SLC8A1: variants seen among roughly 807,000 people sequenced by gnomAD.
SLC8A1 encodes solute carrier family 8 member A1.
SLC8A1 carries 18 observed loss-of-function variants against 68.3 expected under a neutral mutation model. That is an observed-to-expected ratio of 0.26 (90% confidence interval 0.18 to 0.39). The LOEUF is 0.39. Among genes scored for constraint, SLC8A1 ranks in the 10% least tolerant of loss-of-function variants. SLC8A1 has a pLI of 1.00. For missense variants in SLC8A1, 985 were observed against 1,156.7 expected (o/e 0.85, Z 2.15); for synonymous variants, 475 against 415.5 (o/e 1.14, Z -1.74).
intron 1 of SLC8A1, among the ~76,000 whole-genome samples, chr2:40,492,225 G>C (rs1228151834): frequency 2.0e-5 from 3 of 151,948 alleles, no homozygotes; most frequent in African/African-American, 7.3e-5. Context: ...ACAAACCTGA[G>C]AAAAACAAGC....
At chr2:40,122,396 A>G (rs2037111257) in intron 7 of SLC8A1, among the ~76,000 whole-genome samples, 1 of 152,174 alleles carries the variant, frequency 6.6e-6, no homozygotes, top group African/African-American at 2.4e-5. Context: ...TCTGCCCATA[A>G]AAGTTGTCCC....
At chr2:40,400,157 G>A (rs555344264) in intron 2 of SLC8A1, among the ~76,000 whole-genome samples, 13 of 152,304 alleles carry the variant, frequency 8.5e-5, no homozygotes, top group Admixed American at 2.6e-4. Context: ...CTCACTCGGT[G>A]AGCTCGGCTC....
intron 2 of SLC8A1, among the ~76,000 whole-genome samples, chr2:40,361,430 T>C (rs1485022568): frequency 7.0e-6 from 1 of 141,878 alleles, no homozygotes; most frequent in Non-Finnish European, 1.5e-5. Context: ...TACTTTAAAA[T>C]TGTTATGCAC....
chr2:40,214,178 G>A (rs1258718831), intron 2 of SLC8A1, among the ~76,000 whole-genome samples: 1 of 152,140 alleles, frequency 6.6e-6, no homozygotes, highest in African/African-American at 2.4e-5. Context: ...AGCCTCACAT[G>A]TTCAAGACCA....
At chr2:40,260,431 T>G (rs1407582237) in intron 2 of SLC8A1, among the ~76,000 whole-genome samples, 1 of 152,184 alleles carries the variant, frequency 6.6e-6, no homozygotes, top group Non-Finnish European at 1.5e-5. Context: ...TTTTTTCCCA[T>G]AGGCTTCCAA....
At position 40,428,718 on chromosome 2, in the gene SLC8A1, G is replaced by A. The variant is rs199581012; in HGVS notation, c.1563C>T (p.Leu521=). The A allele has an allele frequency of 1.3e-4, 211 of 1,613,772 alleles. No individual in the cohort carries two copies. The East Asian group carries it at 3.0e-3, about 23-fold the overall frequency. Residue 521 remains leucine, a synonymous_variant, in exon 2 of 8, where the codon CTC becomes CTT. Coordinates refer to ENST00000406785, the Ensembl canonical transcript of SLC8A1. Reference sequence around the variant, plus strand: ...TTACAGTGGCAGTGGAGGGAGATCCGAGGCAAGCAAGTGTAGAAACATGAT... The same window carrying A: ...TTACAGTGGCAGTGGAGGGAGATCCAAGGCAAGCAAGTGTAGAAACATGAT...
At chr2:40,168,895 A>T (rs529865147) in intron 4 of SLC8A1, among the ~76,000 whole-genome samples, 13 of 152,288 alleles carry the variant, frequency 8.5e-5, no homozygotes, top group African/African-American at 1.7e-4. Flanking sequence ...GTCTTAACCA[A>T]TCCAAACAAC....
intron 2 of SLC8A1, among the ~76,000 whole-genome samples, chr2:40,246,386 C>T (rs1247997022): frequency 6.6e-6 from 1 of 152,172 alleles, no homozygotes; most frequent in Admixed American, 6.5e-5. Context: ...TCAAATAGGG[C>T]AACTAAATTT....
In SLC8A1 at chr2:40,182,117, GTTC is replaced by G. The variant is rs1468009705; in HGVS notation, c.1809-4265_1809-4263del. On this transcript the variant is annotated intron_variant, in intron 2 of 7. Coordinates refer to ENST00000406785, the Ensembl canonical transcript of SLC8A1. ...CTGAGAACCTACATCCATTTTGGCT[GTTC>G]TGTTCTGTTTACCAACGGGAAACAT... Among the ~76,000 whole-genome samples, 385 of 146,588 alleles carry G rather than the reference GTTC, an allele frequency of 2.6e-3. 1 individual carries two copies. The highest frequency in any genetic ancestry group is 9.3e-3 in the African/African-American group (352 of 37,910).
intron 2 of SLC8A1, among the ~76,000 whole-genome samples, chr2:40,296,918 C>T (rs2149252628): frequency 6.6e-6 from 1 of 152,300 alleles, no homozygotes; most frequent in South Asian, 2.1e-4. Flanking sequence ...ACTAGAAACT[C>T]CCTCTAGACC....
rs1366670887 is a variant in SLC8A1 at position 40,174,569 on chromosome 2, G to T, written c.1930+256C>A. 6.1e-6 allele frequency: 5 copies of T among 825,144 alleles called. No individual in the cohort carries two copies. The East Asian group carries it at 7.4e-5, about 12-fold the overall frequency. 51.1% of individuals were successfully genotyped at this position (825,144 alleles called of 1,614,324 possible). A position where few individuals can be genotyped will look rare whatever the true frequency, so the allele number is the denominator to read the frequency against. ...CACACACATTATTAATTTGTAAAACGTTAAATGTGTAAAACCAGCAAGAGC... is the reference window on the plus strand; with the variant it reads ...CACACACATTATTAATTTGTAAAACTTTAAATGTGTAAAACCAGCAAGAGC... On this transcript the variant is annotated intron_variant, in intron 4 of 7. Transcript: ENST00000406785.
chr2:40,186,477 A>T (rs905102672), intron 2 of SLC8A1, among the ~76,000 whole-genome samples: 1 of 152,154 alleles, frequency 6.6e-6, no homozygotes, highest in South Asian at 2.1e-4. Flanking sequence ...TAAGTGACCC[A>T]AACCAACTCC....
At chr2:40,119,263 T>C (rs1463405024) in intron 7 of SLC8A1, among the ~76,000 whole-genome samples, 1 of 152,178 alleles carries the variant, frequency 6.6e-6, no homozygotes, top group Admixed American at 6.5e-5. Context: ...ACTTTGTGTC[T>C]CATAGGTTTT....
At chr2:40,460,496 G>C (rs1417748313) in intron 1 of SLC8A1, among the ~76,000 whole-genome samples, 1 of 151,964 alleles carries the variant, frequency 6.6e-6, no homozygotes, top group Non-Finnish European at 1.5e-5. Flanking sequence ...TAAGTTCTGT[G>C]GTGATTAAAA....
rs530175701 is a variant in SLC8A1 at position 40,124,509 on chromosome 2, C to T, written c.2438-8880G>A. ...TGGGTTCTGAAAGTTTCCAATAATT[C>T]ACCTATTTTGCCTTCCACCTTGCTG... On this transcript the variant is annotated intron_variant, in intron 7 of 7. Coordinates refer to ENST00000406785, the Ensembl canonical transcript of SLC8A1. Among the ~76,000 whole-genome samples, 13 of 152,288 alleles carry T rather than the reference C, an allele frequency of 8.5e-5. No homozygotes were observed. In the East Asian group the frequency reaches 1.7e-3, roughly 20 times the overall value.
At chr2:40,232,846 G>GTGTT (rs2059865034) in intron 2 of SLC8A1, among the ~76,000 whole-genome samples, 1 of 141,808 alleles carries the variant, frequency 7.1e-6, no homozygotes, top group Admixed American at 7.5e-5. Context: ...AGAATATGCG[G>GTGTT]TGTTTGGTTT....
rs541085174 is a variant in SLC8A1, at chr2:40,351,118, T to A, written c.1808+77355A>T. Among the ~76,000 whole-genome samples, 19 of 152,290 alleles carry A rather than the reference T, an allele frequency of 1.2e-4. 1 individual carries two copies. In the South Asian group the frequency reaches 3.7e-3, roughly 30 times the overall value. ...AAGTGGATTTTATCTGGGAATGGGA[T>A]CACCCATCATACTTTGTATCATATT... On this transcript the variant is annotated intron_variant, in intron 2 of 7. Coordinates refer to ENST00000406785, the Ensembl canonical transcript of SLC8A1.
chr2:40,165,974 T>C (rs116639106), intron 4 of SLC8A1, among the ~76,000 whole-genome samples: 2,735 of 152,318 alleles, frequency 0.018, 36 homozygotes, highest in Non-Finnish European at 0.027. Context: ...ATGAACATTG[T>C]CTCCAATGAA....
chr2:40,227,305 C>T (rs374159), intron 2 of SLC8A1, among the ~76,000 whole-genome samples: 21,018 of 151,972 alleles, frequency 0.14, 1,810 homozygotes, highest in African/African-American at 0.22. Flanking sequence ...TTCTTTCTCA[C>T]CACTCCAGCT....
Sources: gnomAD v4.1 joint callset for allele counts (sites outside exome capture counted in the v4.1 genomes callset) on GRCh38, gnomAD v4.1.1 for gene constraint, MANE v1.5 for transcripts, NCBI Gene and HGNC (gene_info 2026-07-23, HGNC 2026-07-21) for gene names.